Variants in SPATA6L observed in about 807,000 individuals in gnomAD.
The protein encoded by SPATA6L is spermatogenesis associated 6-like protein.
SPATA6L carries 68 observed loss-of-function variants against 49.2 expected under a neutral mutation model. The ratio of observed to expected loss-of-function variants is 1.38; its 90% CI spans 1.14 to 1.69. SPATA6L has a LOEUF of 1.69. Ranked by LOEUF, SPATA6L falls within the 40% of genes most tolerant of loss-of-function variation. SPATA6L has a pLI of 0.00. For synonymous variants in SPATA6L, 198 were observed against 165.7 expected (o/e 1.19, Z -1.50); for missense variants, 668 against 464.3 (o/e 1.44, Z -4.03).
intron 9 of SPATA6L, among the ~76,000 whole-genome samples, chr9:4,605,951 C>G (rs376055133): frequency 6.6e-6 from 1 of 152,076 alleles, no homozygotes; most frequent in Admixed American, 6.5e-5. Flanking sequence ...CCAGTGTGTG[C>G]GCGCACCGTG....
In SPATA6L at chr9:4,600,463, G is replaced by GAGAGAGAGAC. The variant is rs921896869; in HGVS notation, c.*338_*347dup. ...TCTAGCTCATATATAATTAATTTGA[G>GAGAGAGAGAC]AGAGAGAGACAGAGAGAGCCAGAGA... On this transcript the variant is annotated 3_prime_UTR_variant, in exon 12 of 12. Transcript: ENST00000682582. 5 of 136,836 alleles carry GAGAGAGAGAC rather than the reference G, an allele frequency of 3.7e-5. No individual in the cohort carries two copies. The East Asian group carries it at 1.0e-3, about 28-fold the overall frequency. 8.5% of individuals were successfully genotyped at this position (136,836 alleles called of 1,614,324 possible).
In SPATA6L at chr9:4,642,201, T is replaced by C. The variant is rs1472498960; in HGVS notation, c.227-6802A>G. 2.0e-5 allele frequency among the ~76,000 whole-genome samples: 3 copies of C among 152,308 alleles called. No individual in the cohort carries two copies. In the East Asian group the frequency reaches 5.8e-4, roughly 29 times the overall value. The stretch of plus-strand genomic sequence containing the variant: ...TATTGAGTAACTTTTTTAAAATCCA[T>C]GTAAAATTAAATAAGACCAAAGTGG... On this transcript the variant is annotated intron_variant, in intron 3 of 11. Coordinates refer to ENST00000682582, the MANE Select transcript of SPATA6L (RefSeq NM_001353486.2).
At chr9:4,657,341 G>A (rs1488723367) in intron 2 of SPATA6L, among the ~76,000 whole-genome samples, 1 of 151,958 alleles carries the variant, frequency 6.6e-6, no homozygotes, top group Non-Finnish European at 1.5e-5. Context: ...CATTGTTATG[G>A]GTTGAATTGT....
At chr9:4,601,640 C>T (rs1304171596) in intron 11 of SPATA6L, among the ~76,000 whole-genome samples, 1 of 152,120 alleles carries the variant, frequency 6.6e-6, no homozygotes, top group Admixed American at 6.5e-5. Flanking sequence ...CTCGAGATCG[C>T]TGGGGAGCCA....
intron 4 of SPATA6L, among the ~76,000 whole-genome samples, chr9:4,629,907 C>G (rs1831182273): frequency 1.3e-5 from 2 of 150,936 alleles, no homozygotes; most frequent in South Asian, 4.2e-4. Context: ...AGAAACAATC[C>G]AAACATCCTT....
In SPATA6L at chr9:4,600,703, C is replaced by G. The variant is rs1418001876; in HGVS notation, c.*108G>C. On this transcript the variant is annotated 3_prime_UTR_variant, in exon 12 of 12. Coordinates refer to ENST00000682582, the MANE Select transcript of SPATA6L (RefSeq NM_001353486.2). The stretch of plus-strand genomic sequence containing the variant: ...GTTTGGTTTAAAGGGGATTAGACAT[C>G]AGTGACTCAACACAGACAACAAAAA... 1 of 152,188 alleles carries G rather than the reference C, an allele frequency of 6.6e-6. No homozygotes were observed. Among genetic ancestry groups the G allele is most frequent in the African/African-American group, 2.4e-5 (1 of 41,438 alleles). The allele number at this position is 152,188 out of a possible 1,614,324, so 9.4% of individuals were successfully genotyped here.
rs1228368266 is a variant in SPATA6L, at chr9:4,662,532, C to T, written c.40-496G>A. 1 of 1,566,450 alleles carries T rather than the reference C, an allele frequency of 6.4e-7. No individual in the cohort carries two copies. On this transcript the variant is annotated intron_variant, in intron 1 of 11. Transcript: ENST00000682582. This position sits in a 1 kb window ranked among gnomAD's most constrained non-coding sequence, Gnocchi z 4.9. Reference sequence around the variant, plus strand: ...CAGCAGCCGCGCCACGGCCGTGGACCCCACCTGCGCCCGGCTCCGTGCATC... The same window carrying T: ...CAGCAGCCGCGCCACGGCCGTGGACTCCACCTGCGCCCGGCTCCGTGCATC...
chr9:4,645,990 A>G (rs1343435300), intron 3 of SPATA6L, among the ~76,000 whole-genome samples: 1 of 152,248 alleles, frequency 6.6e-6, no homozygotes, highest in African/African-American at 2.4e-5. Context: ...TATGATTTAA[A>G]TCGCAATAAA....
intron 9 of SPATA6L, among the ~76,000 whole-genome samples, chr9:4,613,160 G>T (rs1827166823): frequency 6.6e-6 from 1 of 151,848 alleles, no homozygotes; most frequent in Non-Finnish European, 1.5e-5. Context: ...CCTGGGAGGT[G>T]GAGGTTGTAG....
At chr9:4,616,997 A>T (rs948313610) in intron 9 of SPATA6L, among the ~76,000 whole-genome samples, 2 of 152,364 alleles carry the variant, frequency 1.3e-5, no homozygotes, top group South Asian at 2.1e-4. Flanking sequence ...TGGCTTCCTC[A>T]AATCCATGAT....
intron 5 of SPATA6L, chr9:4,627,539 A>T: frequency 2.8e-6 from 1 of 353,816 alleles, no homozygotes; most frequent in Non-Finnish European, 5.4e-6. Context: ...GTTTTACTCT[A>T]CCCTGTCCCA....
At position 4,662,882 on chromosome 9, in the gene SPATA6L, G is replaced by A. The variant is rs761595054; in HGVS notation, c.40-846C>T. 18 of 1,606,600 alleles carry A rather than the reference G, an allele frequency of 1.1e-5. No individual in the cohort carries two copies. In the East Asian group the frequency reaches 3.8e-4, roughly 34 times the overall value. ...CCGGGCGCGAGGTGCTGATGAACCT[G>A]CTCTTCGCCCTGCTGTTGGACCTGC... On this transcript the variant is annotated intron_variant, in intron 1 of 11. Transcript: ENST00000682582. This position sits in a 1 kb window ranked among gnomAD's most constrained non-coding sequence, Gnocchi z 4.9.
chr9:4,625,177 G>T, intron 6 of SPATA6L, 150 bp downstream of exon 6: 1 of 1,354,438 alleles, frequency 7.4e-7, no homozygotes, highest in Non-Finnish European at 9.7e-7. Flanking sequence ...TCTAGGAAAT[G>T]AACATAATTT....
chr9:4,603,214 G>A (rs1313969684), intron 11 of SPATA6L, among the ~76,000 whole-genome samples: 2 of 152,050 alleles, frequency 1.3e-5, no homozygotes, highest in Admixed American at 6.5e-5. Context: ...GGCAGATCAC[G>A]AGGTCAGGAG....
chr9:4,649,062 T>TAC (rs55949521), intron 3 of SPATA6L, among the ~76,000 whole-genome samples: 67 of 150,162 alleles, frequency 4.5e-4, no homozygotes, highest in Admixed American at 1.0e-3. Flanking sequence ...TATAGAAATA[T>TAC]ACACACACAC....
chr9:4,623,285 A>T (rs1013637650), intron 6 of SPATA6L, among the ~76,000 whole-genome samples: 3 of 151,962 alleles, frequency 2.0e-5, no homozygotes, highest in African/African-American at 7.2e-5. Context: ...CGTCTCAAAA[A>T]AATAATAATA....
At chr9:4,641,039 A>G (rs777519364) in intron 3 of SPATA6L, among the ~76,000 whole-genome samples, 1 of 152,240 alleles carries the variant, frequency 6.6e-6, no homozygotes, top group Non-Finnish European at 1.5e-5. Flanking sequence ...GTTGCAGAAT[A>G]TATATAGTCA....
intron 9 of SPATA6L, among the ~76,000 whole-genome samples, chr9:4,606,979 A>G (rs562694780): frequency 0.036 from 5,205 of 143,598 alleles, 143 homozygotes; most frequent in Middle Eastern, 0.063. Context: ...ACCAAGGCTC[A>G]AGAACTACGT....
chr9:4,592,314 C>CA (rs35362659), intron 13 of SPATA6L, among the ~76,000 whole-genome samples: 37,221 of 113,950 alleles, frequency 0.33, 5,740 homozygotes, highest in Middle Eastern at 0.47. Context: ...GACTCCATCT[C>CA]AAAAAAAAAA....
Sources: allele counts gnomAD v4.1 joint callset (sites outside exome capture counted in the v4.1 genomes callset), GRCh38; gene constraint gnomAD v4.1.1; non-coding constraint Gnocchi (gnomAD v3.1); transcripts MANE v1.5; gene names NCBI Gene and HGNC (gene_info 2026-07-23, HGNC 2026-07-21).